KCNU1: variants seen among roughly 807,000 people sequenced by gnomAD.
The protein encoded by KCNU1 is potassium calcium-activated channel subfamily U member 1.
A neutral mutation model predicts 126.8 loss-of-function variants in KCNU1; 93 were observed. The observed-to-expected ratio is 0.73, with a 90% CI of 0.62 to 0.87. KCNU1 has a LOEUF of 0.87. Ranked by LOEUF, KCNU1 falls within the 40% of genes least tolerant of loss-of-function variation. The pLI, the probability that KCNU1 is intolerant of heterozygous loss-of-function variation, is 0.00. For missense variants in KCNU1, 1,330 were observed against 1,367.1 expected, an observed-to-expected ratio of 0.97 and a Z score of 0.43; for synonymous variants, 523 against 494.2, an observed-to-expected ratio of 1.06 and a Z score of -0.77.
chr8:36,916,100 GGGAA>G (rs371343551), intron 22 of KCNU1, among the ~76,000 whole-genome samples: 28 of 145,202 alleles, frequency 1.9e-4, no homozygotes, highest in African/African-American at 5.1e-4. Flanking sequence ...AGGAGAAGAA[GGGAA>G]GGAAGGAAGG....
At chr8:36,831,413 A>G (rs1333189841) in intron 10 of KCNU1, among the ~76,000 whole-genome samples, 1 of 152,014 alleles carries the variant, frequency 6.6e-6, no homozygotes, top group African/African-American at 2.4e-5. Flanking sequence ...CATCCTCTCC[A>G]GCACCTGTTG....
chr8:36,922,951 A>G, intron 24 of KCNU1: 1 of 497,004 alleles, frequency 2.0e-6, no homozygotes, highest in South Asian at 1.5e-5. Flanking sequence ...AGGAGATACC[A>G]CTTTCCCTTC....
In KCNU1 at chr8:36,936,087, A is replaced by G; in HGVS notation, c.*167A>G. On this transcript the variant is annotated 3_prime_UTR_variant, in exon 27 of 27. Transcript: ENST00000399881. ...TTGGGTGAGACAAAAGTCTAATGCC[A>G]CTGGATCTTGTGTGATAAATAAAGA... is the stretch of plus-strand genomic sequence containing the variant. 2 of 532,730 alleles carry G rather than the reference A, an allele frequency of 3.8e-6. 1 individual carries two copies. The highest frequency in any genetic ancestry group is 7.1e-5 in the South Asian group (2 of 28,264). 33.0% of individuals were successfully genotyped at this position (532,730 alleles called of 1,614,324 possible).
chr8:36,798,477 C>A (rs2130376791), intron 2 of KCNU1, among the ~76,000 whole-genome samples: 1 of 152,308 alleles, frequency 6.6e-6, no homozygotes, highest in Admixed American at 6.5e-5. Context: ...ATTAACATAG[C>A]TAGATCTTTT....
intron 19 of KCNU1, among the ~76,000 whole-genome samples, chr8:36,870,514 A>T (rs887438805): frequency 1.3e-5 from 2 of 152,130 alleles, no homozygotes; most frequent in Non-Finnish European, 2.9e-5. Context: ...TTTTAGCCTC[A>T]ATGATGTCTG....
chr8:36,791,894 C>A (rs914968420), intron 2 of KCNU1, among the ~76,000 whole-genome samples: 1 of 152,010 alleles, frequency 6.6e-6, no homozygotes, highest in Non-Finnish European at 1.5e-5. Context: ...ACTTCCTTTC[C>A]TTATTCCATA....
chr8:36,918,979 C>A, intron 23 of KCNU1, 82 bp downstream of exon 23: 1 of 908,564 alleles, frequency 1.1e-6, no homozygotes, highest in Non-Finnish European at 1.8e-6. Flanking sequence ...TTTTAGAATG[C>A]ACAATCACAG....
chr8:36,784,824 A>G (rs1385221972), intron 1 of KCNU1, among the ~76,000 whole-genome samples: 1 of 152,176 alleles, frequency 6.6e-6, no homozygotes, highest in East Asian at 1.9e-4. Context: ...ATCACTGGAA[A>G]AAGCAATGTC....
chr8:36,930,967 A>G lies in KCNU1; in HGVS notation c.2753A>G (p.His918Arg). ...SLLATAFYNYHVLELLQMLVT... is the reference protein window; with the variant it reads ...SLLATAFYNYRVLELLQMLVT... ...GTTTTCCAGGCCTTCTACAATTATC[A>G]TGTCCTGGAATTGCTTCAGATGCTG... The change falls in exon 25 of 27, where the codon CAT (histidine) becomes CGT (arginine). Residue 918 changes from histidine (H) to arginine (R), a missense_variant. His to Arg is a conservative substitution (Grantham distance 29). Transcript: ENST00000399881. The G allele has an allele frequency of 6.2e-7, 1 of 1,606,504 alleles. No homozygotes were observed. Among genetic ancestry groups the G allele is most frequent in the Non-Finnish European group, 8.5e-7 (1 of 1,176,490 alleles).
rs759587055 is a variant in KCNU1, at chr8:36,909,334, T to G, written c.2130T>G (p.Tyr710Ter). 3 of 1,613,228 alleles carry G rather than the reference T, an allele frequency of 1.9e-6. No individual in the cohort carries two copies. Among genetic ancestry groups the G allele is most frequent in the Non-Finnish European group, 2.5e-6 (3 of 1,179,350 alleles). ...VTLKRTGKSK[Y>*]KFRNHIVACV... is the part of the protein sequence containing the mutation. ...AGAAACGAACTGGCAAGTCAAAGTA[T>G]AAGTTTCGGAACCATATTGTAGCAT... The change falls in exon 21 of 27, where the codon TAT (tyrosine) becomes TAG (stop). Residue 710 changes from tyrosine (Y) to a stop codon, truncating the protein, a stop_gained. Transcript: ENST00000399881. LOFTEE classifies it high-confidence loss of function.
At chr8:36,888,422 T>C (rs1037761319) in intron 19 of KCNU1, 4 of 396,136 alleles carry the variant, frequency 1.0e-5, no homozygotes, top group Non-Finnish European at 2.0e-5. Flanking sequence ...TGCACCGTGC[T>C]CTGAACTCCA....
At chr8:36,919,379 C>G (rs573484198) in intron 23 of KCNU1, among the ~76,000 whole-genome samples, 1 of 151,218 alleles carries the variant, frequency 6.6e-6, no homozygotes, top group East Asian at 2.0e-4. Flanking sequence ...CCATGTATTT[C>G]CCCCCGTCAC....
intron 19 of KCNU1, among the ~76,000 whole-genome samples, chr8:36,881,840 A>G (rs1806493712): frequency 7.0e-6 from 1 of 142,144 alleles, no homozygotes; most frequent in Non-Finnish European, 1.6e-5. Flanking sequence ...ACACACACAC[A>G]CACATTCAAG....
At chr8:36,880,986 G>A (rs180793099) in intron 19 of KCNU1, among the ~76,000 whole-genome samples, 13 of 151,990 alleles carry the variant, frequency 8.6e-5, no homozygotes, top group African/African-American at 3.1e-4. Flanking sequence ...CAGGGCCCTG[G>A]GCATCAATAT....
chr8:36,884,673 T>C (rs1354920879), intron 19 of KCNU1, among the ~76,000 whole-genome samples: 1 of 151,770 alleles, frequency 6.6e-6, no homozygotes, highest in African/African-American at 2.4e-5. Context: ...GAGGTGGAGG[T>C]TGCAGTGAGC....
At position 36,860,108 on chromosome 8, in the gene KCNU1, C is replaced by G. The variant is rs143938458; in HGVS notation, c.1892-4296C>G. On this transcript the variant is annotated intron_variant, in intron 18 of 26. Coordinates refer to ENST00000399881, the MANE Select transcript of KCNU1 (RefSeq NM_001031836.3). ...TTTTTTTAAATTTGAGATGGAGTCT[C>G]TCTCTGTTGCCCAGGCTGGAGTGCA... Among the ~76,000 whole-genome samples the G allele has an allele frequency of 9.4e-3, 1,428 of 152,082 alleles. 18 individuals carry two copies. Among genetic ancestry groups the G allele is most frequent in the African/African-American group, 0.033 (1,368 of 41,474 alleles).
At chr8:36,934,431 G>C (rs1808794879) in intron 26 of KCNU1, among the ~76,000 whole-genome samples, 1 of 151,938 alleles carries the variant, frequency 6.6e-6, no homozygotes, top group Non-Finnish European at 1.5e-5. Flanking sequence ...TGGGGGAGGA[G>C]TGATGTTCTG....
At chr8:36,807,277 G>T (rs1044605417) in intron 5 of KCNU1, 98 bp from the exon 6 acceptor site, 2 of 852,134 alleles carry the variant, frequency 2.3e-6, no homozygotes, top group East Asian at 4.9e-5. Flanking sequence ...ACGTCTAGAA[G>T]AAAAAGAATG....
At chr8:36,878,749 T>G (rs1372889340) in intron 19 of KCNU1, among the ~76,000 whole-genome samples, 2 of 150,152 alleles carry the variant, frequency 1.3e-5, no homozygotes, top group African/African-American at 4.9e-5. Context: ...TCACATCAAT[T>G]AGGACATATG....
Sources: allele counts gnomAD v4.1 joint callset (sites outside exome capture counted in the v4.1 genomes callset), GRCh38; gene constraint gnomAD v4.1.1; transcripts MANE v1.5; gene names NCBI Gene and HGNC (gene_info 2026-07-23, HGNC 2026-07-21).